PARD3: variants seen among roughly 807,000 people sequenced by gnomAD.
PARD3 encodes partitioning defective 3 homolog.
Under a neutral mutation model 155.4 loss-of-function variants are expected in PARD3, and 75 were observed. That is an observed-to-expected ratio of 0.48 (90% CI 0.40 to 0.58). The LOEUF (loss-of-function observed/expected upper bound fraction) is 0.58. Among genes scored for constraint, PARD3 ranks in the 20% least tolerant of loss-of-function variants. The probability of loss-of-function intolerance (pLI) is 0.00; values close to 1 mark genes in which losing one functional copy is unlikely to be tolerated. For missense variants in PARD3, 1,642 were observed against 1,721.7 expected, an observed-to-expected ratio of 0.95 and a Z score of 0.82; for synonymous variants, 576 against 610.5, an observed-to-expected ratio of 0.94 and a Z score of 0.83.
chr10:34,377,941 A>T, intron 10 of PARD3, 26 bp downstream of exon 10: 1 of 1,492,344 alleles, frequency 6.7e-7, no homozygotes, highest in Non-Finnish European at 8.9e-7. Context: ...AGAATCAGGG[A>T]ACATCCTGCT....
intron 2 of PARD3, among the ~76,000 whole-genome samples, chr10:34,596,832 A>G (rs1014861487): frequency 2.6e-5 from 4 of 152,176 alleles, no homozygotes; most frequent in African/African-American, 9.7e-5. Flanking sequence ...TGCACTCACA[A>G]TTTGTAATAT....
At chr10:34,729,456 A>G (rs1420696048) in intron 1 of PARD3, among the ~76,000 whole-genome samples, 1 of 151,584 alleles carries the variant, frequency 6.6e-6, no homozygotes, top group African/African-American at 2.4e-5. Context: ...ACTTGAACCC[A>G]GCAGGCGGAG....
chr10:34,190,726 G>T (rs1274474), intron 22 of PARD3, among the ~76,000 whole-genome samples: 1 of 151,958 alleles, frequency 6.6e-6, no homozygotes, highest in Non-Finnish European at 1.5e-5. Context: ...ACCAGAGGCC[G>T]GGAATGCAAC....
intron 20 of PARD3, among the ~76,000 whole-genome samples, chr10:34,314,722 T>C (rs555130098): frequency 6.6e-6 from 1 of 152,334 alleles, no homozygotes; most frequent in South Asian, 2.1e-4. Flanking sequence ...CATTATATAG[T>C]ATTAGCCCTA....
chr10:34,659,111 T>A (rs2093258155), intron 2 of PARD3, among the ~76,000 whole-genome samples: 1 of 152,184 alleles, frequency 6.6e-6, no homozygotes, highest in African/African-American at 2.4e-5. Flanking sequence ...AATCAGATCC[T>A]GAAAGGCACA....
chr10:34,142,220 T>C (rs1433256293), intron 22 of PARD3, among the ~76,000 whole-genome samples: 1 of 151,994 alleles, frequency 6.6e-6, no homozygotes, highest in Non-Finnish European at 1.5e-5. Flanking sequence ...GTTTTCGGGG[T>C]ATACCTATGA....
At chr10:34,284,885 C>T (rs915121582) in intron 20 of PARD3, among the ~76,000 whole-genome samples, 38 of 152,206 alleles carry the variant, frequency 2.5e-4, no homozygotes, top group African/African-American at 8.4e-4. Flanking sequence ...AAATCCACAT[C>T]TGATCAAAAA....
intron 2 of PARD3, among the ~76,000 whole-genome samples, chr10:34,550,377 A>G (rs1360144462): frequency 6.6e-6 from 1 of 152,144 alleles, no homozygotes; most frequent in East Asian, 1.9e-4. Context: ...ACACCCGGCT[A>G]ATTTTTATAT....
intron 1 of PARD3, among the ~76,000 whole-genome samples, chr10:34,756,473 C>T (rs929643421): frequency 0.014 from 648 of 47,402 alleles, no homozygotes; most frequent in Middle Eastern, 0.03. Context: ...TTTTTTTTTT[C>T]TTATAAAAAA....
At chr10:34,774,415 A>G (rs1418985407) in intron 1 of PARD3, among the ~76,000 whole-genome samples, 2 of 152,218 alleles carry the variant, frequency 1.3e-5, no homozygotes, top group East Asian at 1.9e-4. Context: ...TACCTTTCAC[A>G]AAGCCTAACC....
chr10:34,359,860 T>C (rs941235148), intron 13 of PARD3, among the ~76,000 whole-genome samples: 16 of 152,228 alleles, frequency 1.1e-4, no homozygotes, highest in African/African-American at 3.6e-4. Flanking sequence ...CAATGGGTTG[T>C]ATGTTCTGTG....
At chr10:34,572,631 ACT>A (rs2086515833) in intron 2 of PARD3, among the ~76,000 whole-genome samples, 1 of 145,676 alleles carries the variant, frequency 6.9e-6, no homozygotes, top group Non-Finnish European at 1.5e-5. Flanking sequence ...ACAGAGCAAG[ACT>A]CTGTCTCAAA....
chr10:34,630,373 C>T (rs1015777383), intron 2 of PARD3, among the ~76,000 whole-genome samples: 1 of 152,152 alleles, frequency 6.6e-6, no homozygotes, highest in Non-Finnish European at 1.5e-5. Context: ...AACCTCCAAA[C>T]ACCCATGACC....
chr10:34,620,476 T>C (rs1424942930), intron 2 of PARD3, among the ~76,000 whole-genome samples: 4 of 152,226 alleles, frequency 2.6e-5, no homozygotes, highest in Admixed American at 2.0e-4. Flanking sequence ...AACATTAGCA[T>C]AAATTTATCT....
intron 22 of PARD3, among the ~76,000 whole-genome samples, chr10:34,138,540 T>G (rs1948018284): frequency 6.6e-6 from 1 of 152,146 alleles, no homozygotes; most frequent in Non-Finnish European, 1.5e-5. Context: ...CATTACTGGT[T>G]TCTCTTTCTG....
chr10:34,389,009 A>G lies in PARD3; in HGVS notation c.891-4755T>C, dbSNP rs111986598. Among the ~76,000 whole-genome samples the G allele has an allele frequency of 1.5e-3, 230 of 152,286 alleles. 2 individuals carry two copies. The highest frequency in any genetic ancestry group is 5.3e-3 in the African/African-American group (220 of 41,560). Reference sequence around the variant, plus strand: ...CTCCTCTACCTTCCTTATGAATCTAAGATAAACCCTACTTGGCTTTATGCT... The same window carrying G: ...CTCCTCTACCTTCCTTATGAATCTAGGATAAACCCTACTTGGCTTTATGCT... On this transcript the variant is annotated intron_variant, in intron 7 of 24. Transcript: ENST00000374788.
chr10:34,261,208 A>G (rs1260757800), intron 22 of PARD3, among the ~76,000 whole-genome samples: 2 of 152,210 alleles, frequency 1.3e-5, no homozygotes, highest in Non-Finnish European at 2.9e-5. Flanking sequence ...GTCTTTCTGT[A>G]GAATATTTAA....
chr10:34,154,521 T>A (rs1392608723), intron 22 of PARD3, among the ~76,000 whole-genome samples: 1 of 152,146 alleles, frequency 6.6e-6, no homozygotes, highest in African/African-American at 2.4e-5. Flanking sequence ...CATCACCTGA[T>A]TTTCCTCATC....
At chr10:34,338,196 G>A (rs1007741683) in intron 16 of PARD3, among the ~76,000 whole-genome samples, 1 of 152,206 alleles carries the variant, frequency 6.6e-6, no homozygotes, top group African/African-American at 2.4e-5. Flanking sequence ...TGATTTGGGT[G>A]ACACCAACAC....
Sources: allele counts gnomAD v4.1 joint callset (sites outside exome capture counted in the v4.1 genomes callset), GRCh38; gene constraint gnomAD v4.1.1; transcripts MANE v1.5; gene names NCBI Gene and HGNC (gene_info 2026-07-23, HGNC 2026-07-21).